The following CCNYL1 variants were observed in gnomAD, a reference collection of about 807,000 sequenced individuals.
The protein encoded by CCNYL1 is cyclin Y like 1.
Under a neutral mutation model 44.2 loss-of-function variants are expected in CCNYL1, and 16 were observed. The observed-to-expected ratio is 0.36, with a 90% CI of 0.25 to 0.55. The LOEUF is 0.55. Ranked by LOEUF, CCNYL1 falls within the 20% of genes least tolerant of loss-of-function variation. CCNYL1 has a pLI of 0.85. For missense variants in CCNYL1, 348 were observed against 451.8 expected (o/e 0.77, Z 2.08); for synonymous variants, 159 against 163.2 (o/e 0.97, Z 0.20).
At position 207,725,253 on chromosome 2, in the gene CCNYL1, A is replaced by G. The variant is rs765033706; in HGVS notation, c.295+379A>G. ...GCAATTCTCCTGCCTCAGCCTCCCAAGTAGCTAGGACTACAGGCATGAGCC... is the reference window on the plus strand; with the variant it reads ...GCAATTCTCCTGCCTCAGCCTCCCAGGTAGCTAGGACTACAGGCATGAGCC... On this transcript the variant is annotated intron_variant, in intron 2 of 9. Transcript: ENST00000295414. Among the ~76,000 whole-genome samples, 5 of 151,792 alleles carry G rather than the reference A, an allele frequency of 3.3e-5. No homozygotes were observed. In the East Asian group the frequency reaches 9.7e-4, roughly 29 times the overall value.
intron 5 of CCNYL1, among the ~76,000 whole-genome samples, chr2:207,738,963 G>A (rs1559170414): frequency 6.6e-6 from 1 of 150,568 alleles, no homozygotes; most frequent in Non-Finnish European, 1.5e-5. Flanking sequence ...CAAGCAATCC[G>A]CACACCTCAG....
chr2:207,742,388 T>C lies in CCNYL1; in HGVS notation c.639+46T>C, dbSNP rs779783067. The C allele has an allele frequency of 5.7e-6, 9 of 1,566,452 alleles. 1 individual carries two copies. In the South Asian group the frequency reaches 9.3e-5, roughly 16 times the overall value. ...AAAGTGTCTTTAGAAATTAGTCTTG[T>C]ACACAGGGTATGGTCCTATTTTTCA... On this transcript the variant is annotated intron_variant, in intron 7 of 9. Coordinates refer to ENST00000295414, the MANE Select transcript of CCNYL1 (RefSeq NM_001330218.2).
intron 5 of CCNYL1, among the ~76,000 whole-genome samples, chr2:207,739,580 T>C (rs978173922): frequency 6.6e-6 from 1 of 152,194 alleles, no homozygotes; most frequent in Non-Finnish European, 1.5e-5. Flanking sequence ...AAAAATGATA[T>C]TCTGTGAAAA....
chr2:207,724,887 T>C lies in CCNYL1; in HGVS notation c.295+13T>C. 6.3e-7 allele frequency: 1 copy of C among 1,591,432 alleles called. No individual in the cohort carries two copies. Among genetic ancestry groups the C allele is most frequent in the South Asian group, 1.1e-5 (1 of 88,134 alleles). On this transcript the variant is annotated intron_variant, in intron 2 of 9. Transcript: ENST00000295414. ...TCTCAAACGGATGGTAAGACAATAC[T>C]GTTTTTTCCTTCCAAGGAAAAGACT...
chr2:207,736,262 T>A (rs531732568), intron 4 of CCNYL1, among the ~76,000 whole-genome samples: 3 of 152,346 alleles, frequency 2.0e-5, no homozygotes, highest in Non-Finnish European at 4.4e-5. Context: ...ACAGACTTTT[T>A]AAAAAAGTGC....
chr2:207,744,566 C>T lies in CCNYL1; in HGVS notation c.639+2224C>T, dbSNP rs112488746. ...TTTTTTTTAAGTAGAGACCGGGCTTCGCCATGTTGGTCAGGCTAGTCTTGA... is the reference window on the plus strand; with the variant it reads ...TTTTTTTTAAGTAGAGACCGGGCTTTGCCATGTTGGTCAGGCTAGTCTTGA... On this transcript the variant is annotated intron_variant, in intron 7 of 9. Coordinates refer to ENST00000295414, the MANE Select transcript of CCNYL1 (RefSeq NM_001330218.2). Among the ~76,000 whole-genome samples, 12 of 150,234 alleles carry T rather than the reference C, an allele frequency of 8.0e-5. 1 individual carries two copies. Among genetic ancestry groups the T allele is most frequent in the South Asian group, 6.3e-4 (3 of 4,744 alleles).
chr2:207,751,322 A>C (rs4673376), intron 9 of CCNYL1, among the ~76,000 whole-genome samples: 62,312 of 152,202 alleles, frequency 0.41, 14,804 homozygotes, highest in Non-Finnish European at 0.53. Flanking sequence ...AATTATACAT[A>C]TTAACTCTTC....
intron 1 of CCNYL1, among the ~76,000 whole-genome samples, chr2:207,723,990 A>T (rs1428439049): frequency 5.3e-5 from 8 of 152,078 alleles, no homozygotes; most frequent in African/African-American, 1.9e-4. Flanking sequence ...ATGAAAATTC[A>T]AGAGTCTGTT....
intron 1 of CCNYL1, among the ~76,000 whole-genome samples, 161 bp downstream of exon 1, chr2:207,712,277 C>G (rs2091555240): frequency 6.6e-6 from 1 of 152,172 alleles, no homozygotes; most frequent in South Asian, 2.1e-4. Context: ...CTTATTCTTG[C>G]CCTGCTGCGT....
intron 8 of CCNYL1, among the ~76,000 whole-genome samples, chr2:207,750,084 G>C (rs1262910919): frequency 6.6e-6 from 1 of 152,124 alleles, no homozygotes; most frequent in Admixed American, 6.5e-5. Flanking sequence ...ATTGCATTCA[G>C]CTCACTCCTA....
chr2:207,714,737 T>C (rs1363370725), intron 1 of CCNYL1: 1 of 155,336 alleles, frequency 6.4e-6, no homozygotes. Flanking sequence ...TTTACCATTG[T>C]ATGTTAGTAT....
At chr2:207,750,826 A>G in intron 8 of CCNYL1, 131 bp from the exon 9 acceptor site, 1 of 730,098 alleles carries the variant, frequency 1.4e-6, no homozygotes, top group Non-Finnish European at 2.2e-6. Flanking sequence ...TAGTATGTTA[A>G]TACAACTGGG....
chr2:207,727,460 A>T (rs1426122021), intron 3 of CCNYL1, among the ~76,000 whole-genome samples: 1 of 152,082 alleles, frequency 6.6e-6, no homozygotes, highest in Non-Finnish European at 1.5e-5. Flanking sequence ...GTCTCTTCCT[A>T]GCCTCCACTA....
intron 1 of CCNYL1, among the ~76,000 whole-genome samples, chr2:207,723,745 G>A (rs1204872671): frequency 6.6e-6 from 1 of 151,934 alleles, no homozygotes; most frequent in Non-Finnish European, 1.5e-5. Context: ...CGTGGTGGCA[G>A]GCACCTGTAA....
At chr2:207,718,139 C>G (rs892566334) in intron 1 of CCNYL1, among the ~76,000 whole-genome samples, 1 of 152,082 alleles carries the variant, frequency 6.6e-6, no homozygotes, top group Admixed American at 6.5e-5. Flanking sequence ...CTCCCAACCT[C>G]GTGATCCACC....
rs1483910379 is a variant in CCNYL1 at position 207,731,015 on chromosome 2, G to A, written c.331-2932G>A. Among the ~76,000 whole-genome samples the A allele has an allele frequency of 4.6e-5, 7 of 152,128 alleles. No homozygotes were observed. The South Asian group carries it at 1.5e-3, about 32-fold the overall frequency. On this transcript the variant is annotated intron_variant, in intron 3 of 9. Transcript: ENST00000295414. ...ATGATACTAATCCAGACATTTTTTA[G>A]TTATAATAAGCATATTATACTCTTC... is the stretch of plus-strand genomic sequence containing the variant.
intron 1 of CCNYL1, among the ~76,000 whole-genome samples, chr2:207,716,708 A>C (rs1185007508): frequency 6.6e-6 from 1 of 152,206 alleles, no homozygotes; most frequent in Non-Finnish European, 1.5e-5. Flanking sequence ...TTTGATTTCA[A>C]GGGTACCGAT....
intron 1 of CCNYL1, among the ~76,000 whole-genome samples, chr2:207,713,509 TAAGTC>T (rs1054208721): frequency 6.6e-6 from 1 of 152,188 alleles, no homozygotes; most frequent in African/African-American, 2.4e-5. Context: ...TGGAAAGAGA[TAAGTC>T]TAGGTAAAAA....
At chr2:207,714,900 T>G (rs552888686) in intron 1 of CCNYL1, 1 of 152,456 alleles carries the variant, frequency 6.6e-6, no homozygotes, top group East Asian at 1.9e-4. Context: ...ATAGACACAT[T>G]GAAAGTTTGC....
Sources: gnomAD v4.1 joint callset for allele counts (sites outside exome capture counted in the v4.1 genomes callset) on GRCh38, gnomAD v4.1.1 for gene constraint, MANE v1.5 for transcripts, NCBI Gene and HGNC (gene_info 2026-07-23, HGNC 2026-07-21) for gene names.